Variants in DCC observed in about 807,000 individuals in gnomAD.
DCC encodes netrin receptor DCC.
Under a neutral mutation model 172.5 loss-of-function variants are expected in DCC, and 58 were observed. The ratio of observed to expected loss-of-function variants is 0.34; its 90% CI spans 0.27 to 0.42. The LOEUF (loss-of-function observed/expected upper bound fraction) is 0.42, where lower values mean the gene tolerates loss of function less well. Ranked by LOEUF, DCC falls within the 10% of genes least tolerant of loss-of-function variation. The pLI, the probability that DCC is intolerant of heterozygous loss-of-function variation, is 1.00. For synonymous variants in DCC, 709 were observed against 644.5 expected (o/e 1.10, Z -1.52); for missense variants, 1,740 against 1,791.0 (o/e 0.97, Z 0.51).
chr18:53,149,131 G>T (rs1021114194), intron 7 of DCC, among the ~76,000 whole-genome samples: 1 of 151,972 alleles, frequency 6.6e-6, no homozygotes, highest in Non-Finnish European at 1.5e-5. Context: ...AAACTGCTGG[G>T]ATTACAGGCA....
At chr18:53,226,948 A>ATATATATTTTTTTTTTTTTT in intron 12 of DCC, among the ~76,000 whole-genome samples, 2 of 52,952 alleles carry the variant, frequency 3.8e-5, no homozygotes, top group African/African-American at 9.4e-5. Flanking sequence ...ATATATATAT[A>ATATATATTTTTTTTTTTTTT]TTTTTTTTTT....
At chr18:53,497,212 G>C (rs529008798) in intron 26 of DCC, among the ~76,000 whole-genome samples, 1 of 152,246 alleles carries the variant, frequency 6.6e-6, no homozygotes, top group East Asian at 1.9e-4. Context: ...AATTCACAGA[G>C]GAACACAGAA....
intron 1 of DCC, among the ~76,000 whole-genome samples, chr18:52,435,816 C>T (rs1987775209): frequency 6.6e-6 from 1 of 152,206 alleles, no homozygotes; most frequent in African/African-American, 2.4e-5. Flanking sequence ...CACTGTTCTT[C>T]TGCTTCTTCC....
chr18:53,446,719 T>G lies in DCC; in HGVS notation c.3230-3781T>G, dbSNP rs900809620. ...GATGTGTGCAGAGCTGCAAAAATTTTGGGTTGCCCAGTGCTCATGTCACCA... is the reference window on the plus strand; with the variant it reads ...GATGTGTGCAGAGCTGCAAAAATTTGGGGTTGCCCAGTGCTCATGTCACCA... On this transcript the variant is annotated intron_variant, in intron 22 of 28. Transcript: ENST00000442544. Among the ~76,000 whole-genome samples the G allele has an allele frequency of 7.9e-5, 12 of 152,230 alleles. No homozygotes were observed. In the East Asian group the frequency reaches 1.7e-3, roughly 22 times the overall value.
chr18:52,827,268 C>G (rs16955601), intron 2 of DCC, among the ~76,000 whole-genome samples: 13,973 of 152,176 alleles, frequency 0.092, 1,419 homozygotes, highest in East Asian at 0.58. Context: ...GTTCCTAACC[C>G]CAATTGATAA....
intron 12 of DCC, among the ~76,000 whole-genome samples, chr18:53,241,076 C>G (rs1490863798): frequency 1.3e-5 from 2 of 151,990 alleles, no homozygotes; most frequent in African/African-American, 4.8e-5. Flanking sequence ...CCTTAGTTCC[C>G]ATAAACAATT....
chr18:53,334,439 T>C (rs1018536455), intron 14 of DCC, among the ~76,000 whole-genome samples: 1 of 152,180 alleles, frequency 6.6e-6, no homozygotes, highest in East Asian at 1.9e-4. Flanking sequence ...AACCTTAAAT[T>C]TACCATCCTA....
chr18:52,679,211 T>G (rs1238265197), intron 1 of DCC, among the ~76,000 whole-genome samples: 4 of 152,076 alleles, frequency 2.6e-5, no homozygotes, highest in Non-Finnish European at 5.9e-5. Context: ...AAGGAATGCA[T>G]TATTATAATT....
At chr18:52,605,364 AC>A (rs1170874522) in intron 1 of DCC, among the ~76,000 whole-genome samples, 4 of 152,122 alleles carry the variant, frequency 2.6e-5, no homozygotes, top group Admixed American at 2.6e-4. Flanking sequence ...GTACAGCTAA[AC>A]CAGGAAAGAG....
At chr18:53,281,023 C>T (rs2056864602) in intron 12 of DCC, among the ~76,000 whole-genome samples, 1 of 152,008 alleles carries the variant, frequency 6.6e-6, no homozygotes. Context: ...ACTGAGATAC[C>T]AGCAAAATGT....
At chr18:53,070,852 G>A (rs1315302234) in intron 7 of DCC, among the ~76,000 whole-genome samples, 2 of 152,138 alleles carry the variant, frequency 1.3e-5, no homozygotes, top group Non-Finnish European at 2.9e-5. Context: ...ATTTAATCAG[G>A]TCTTCAAAGA....
At chr18:53,079,723 G>A (rs117026900) in intron 7 of DCC, among the ~76,000 whole-genome samples, 545 of 152,272 alleles carry the variant, frequency 3.6e-3, no homozygotes, top group Non-Finnish European at 5.3e-3. Context: ...TGCTGAAGAT[G>A]TGACATCTGA....
At chr18:53,516,703 A>T (rs1455071843) in intron 27 of DCC, among the ~76,000 whole-genome samples, 1 of 150,168 alleles carries the variant, frequency 6.7e-6, no homozygotes, top group Non-Finnish European at 1.5e-5. Context: ...AAAAATGCTT[A>T]TCATCACTGG....
intron 5 of DCC, among the ~76,000 whole-genome samples, chr18:52,957,497 C>T (rs1446024865): frequency 6.6e-6 from 1 of 152,174 alleles, no homozygotes; most frequent in Admixed American, 6.6e-5. Flanking sequence ...ATTTGTAGAA[C>T]ATCTGCTAAA....
At chr18:52,422,890 C>G (rs146417401) in intron 1 of DCC, among the ~76,000 whole-genome samples, 85 of 152,278 alleles carry the variant, frequency 5.6e-4, no homozygotes, top group African/African-American at 1.5e-3. Context: ...AGTCTGTCTT[C>G]CAGTGCTTCT....
intron 7 of DCC, among the ~76,000 whole-genome samples, chr18:53,117,523 T>C (rs1307128923): frequency 6.6e-6 from 1 of 151,782 alleles, no homozygotes; most frequent in East Asian, 1.9e-4. Context: ...TGAATTTGTA[T>C]TGCTGTTTCA....
At chr18:52,518,863 C>T (rs2031720544) in intron 1 of DCC, among the ~76,000 whole-genome samples, 1 of 152,146 alleles carries the variant, frequency 6.6e-6, no homozygotes, top group Non-Finnish European at 1.5e-5. Flanking sequence ...CCTCTACATA[C>T]TGGGTTGAGG....
Position 53,450,548 on chromosome 18 carries a change from A to G in DCC, c.3278A>G (p.Gln1093Arg). 1.2e-6 allele frequency: 2 copies of G among 1,614,090 alleles called. No homozygotes were observed. The highest frequency in any genetic ancestry group is 1.7e-6 in the Non-Finnish European group (2 of 1,180,022). Residue 1093 changes from glutamine to arginine, a missense_variant, in exon 23 of 29, where the codon CAG becomes CGG. Coordinates refer to ENST00000442544, the MANE Select transcript of DCC (RefSeq NM_005215.4). Reference sequence around the variant, plus strand: ...CCCCCGCATGGCAGTGTCACTCCTCAGAAGAACAGCAACCTGCTTGTGATC... The same window carrying G: ...CCCCCGCATGGCAGTGTCACTCCTCGGAAGAACAGCAACCTGCTTGTGATC... ...MHPPHGSVTP[Q>R]KNSNLLVIIV...
intron 1 of DCC, among the ~76,000 whole-genome samples, chr18:52,427,529 G>A (rs1267485807): frequency 6.6e-6 from 1 of 152,060 alleles, no homozygotes; most frequent in Non-Finnish European, 1.5e-5. Flanking sequence ...TCATGACAAA[G>A]CAGAGGGTGT....
Sources: allele counts gnomAD v4.1 joint callset (sites outside exome capture counted in the v4.1 genomes callset), GRCh38; gene constraint gnomAD v4.1.1; transcripts MANE v1.5; gene names NCBI Gene and HGNC (gene_info 2026-07-23, HGNC 2026-07-21).